PRKCA: variants seen among roughly 807,000 people sequenced by gnomAD.
The protein encoded by PRKCA is protein kinase C alpha.
PRKCA carries 27 observed loss-of-function variants against 87.0 expected under a neutral mutation model. That is an observed-to-expected ratio of 0.31 (90% CI 0.23 to 0.43). The LOEUF (loss-of-function observed/expected upper bound fraction) is 0.43. Ranked by LOEUF, PRKCA falls within the 20% of genes least tolerant of loss-of-function variation. PRKCA has a pLI of 1.00. For missense variants in PRKCA, 518 were observed against 852.3 expected (o/e 0.61, Z 4.88); for synonymous variants, 329 against 311.1 (o/e 1.06, Z -0.61).
intron 5 of PRKCA, among the ~76,000 whole-genome samples, chr17:66,667,411 C>A (rs573460049): frequency 6.6e-6 from 1 of 152,308 alleles, no homozygotes; most frequent in Non-Finnish European, 1.5e-5. Context: ...AGGAAACTTA[C>A]AATCATGGTG....
chr17:66,739,773 G>T (rs777826712), intron 11 of PRKCA, among the ~76,000 whole-genome samples: 6 of 152,064 alleles, frequency 3.9e-5, no homozygotes, highest in Non-Finnish European at 7.4e-5. Context: ...GCGGGGGAAG[G>T]GGGGAACGTG....
chr17:66,654,337 A>G (rs1971672004), intron 5 of PRKCA, among the ~76,000 whole-genome samples: 1 of 152,162 alleles, frequency 6.6e-6, no homozygotes. Flanking sequence ...CTGATTGAAC[A>G]CTTTTCGTGT....
At chr17:66,324,699 AT>A (rs1206462640) in intron 2 of PRKCA, among the ~76,000 whole-genome samples, 1 of 152,212 alleles carries the variant, frequency 6.6e-6, no homozygotes, top group Non-Finnish European at 1.5e-5. Context: ...TAGACTGGAA[AT>A]TAGGTAATCT....
At chr17:66,504,980 A>C (rs1005974358) in intron 3 of PRKCA, among the ~76,000 whole-genome samples, 1 of 152,074 alleles carries the variant, frequency 6.6e-6, no homozygotes, top group Non-Finnish European at 1.5e-5. Context: ...GCCCGAGTCC[A>C]TTTCTGAAAC....
At chr17:66,793,433 T>C (rs1487388463) in intron 16 of PRKCA, among the ~76,000 whole-genome samples, 1 of 151,538 alleles carries the variant, frequency 6.6e-6, no homozygotes, top group East Asian at 1.9e-4. Context: ...CTACTAAAAA[T>C]ACAAAAATTA....
At chr17:66,585,104 G>A (rs1026798324) in intron 3 of PRKCA, among the ~76,000 whole-genome samples, 10 of 151,908 alleles carry the variant, frequency 6.6e-5, no homozygotes, top group South Asian at 2.1e-4. Context: ...GTGGAGAGGC[G>A]GTGTCTGATT....
intron 5 of PRKCA, among the ~76,000 whole-genome samples, chr17:66,667,239 G>A (rs182206454): frequency 3.9e-5 from 6 of 152,280 alleles, no homozygotes; most frequent in Non-Finnish European, 7.3e-5. Flanking sequence ...ATGTCAAATC[G>A]AGTTAAACAG....
intron 2 of PRKCA, among the ~76,000 whole-genome samples, chr17:66,404,969 C>T (rs905876949): frequency 3.3e-5 from 5 of 151,894 alleles, no homozygotes; most frequent in African/African-American, 1.2e-4. Context: ...AGGCTGATCT[C>T]AAACTCCTGA....
chr17:66,513,442 A>G (rs1917332135), intron 3 of PRKCA, among the ~76,000 whole-genome samples: 1 of 152,236 alleles, frequency 6.6e-6, no homozygotes, highest in African/African-American at 2.4e-5. Context: ...TTTTAAAATA[A>G]AATGCATACA....
intron 2 of PRKCA, among the ~76,000 whole-genome samples, chr17:66,420,200 G>C (rs573500790): frequency 2.9e-4 from 44 of 151,836 alleles, no homozygotes; most frequent in Non-Finnish European, 5.7e-4. Flanking sequence ...TAGTAGAGAC[G>C]GAGTTTCACC....
intron 2 of PRKCA, among the ~76,000 whole-genome samples, chr17:66,352,558 G>GTTTTTTTTTTTTTTTTTT (rs56317931): frequency 1.2e-5 from 1 of 83,758 alleles, no homozygotes; most frequent in Non-Finnish European, 2.1e-5. Context: ...GTTTTTTGAG[G>GTTTTTTTTTTTTTTTTTT]TTTTTTTTTT....
At chr17:66,435,638 T>C (rs942503024) in intron 2 of PRKCA, among the ~76,000 whole-genome samples, 1 of 152,000 alleles carries the variant, frequency 6.6e-6, no homozygotes, top group African/African-American at 2.4e-5. Context: ...TTATATAAAA[T>C]TGGGAAGATA....
At chr17:66,627,899 G>A (rs945507523) in intron 3 of PRKCA, among the ~76,000 whole-genome samples, 22 of 152,294 alleles carry the variant, frequency 1.4e-4, no homozygotes, top group African/African-American at 4.8e-4. Context: ...GTGCATCTTT[G>A]AGGAGAGAAT....
chr17:66,720,176 G>A (rs1160320883), intron 8 of PRKCA, among the ~76,000 whole-genome samples: 2 of 152,234 alleles, frequency 1.3e-5, no homozygotes, highest in African/African-American at 2.4e-5. Flanking sequence ...ATGTCAGAAG[G>A]AGTAGGGAGC....
intron 2 of PRKCA, among the ~76,000 whole-genome samples, chr17:66,406,548 G>T (rs1468030661): frequency 8.0e-6 from 1 of 125,652 alleles, no homozygotes; most frequent in Admixed American, 9.7e-5. Flanking sequence ...AGAAAACGCT[G>T]CCCAGGCAGC....
chr17:66,304,675 A>G (rs1904709302), intron 1 of PRKCA, among the ~76,000 whole-genome samples: 1 of 152,208 alleles, frequency 6.6e-6, no homozygotes, highest in Non-Finnish European at 1.5e-5. Context: ...GGTGCGAATA[A>G]GGTGTTTAAT....
intron 8 of PRKCA, among the ~76,000 whole-genome samples, chr17:66,701,847 A>G (rs1427790363): frequency 6.6e-6 from 1 of 152,080 alleles, no homozygotes; most frequent in Non-Finnish European, 1.5e-5. Flanking sequence ...GGAGAAAATG[A>G]TATACACTGT....
Position 66,805,248 on chromosome 17 carries a change from T to C in PRKCA, c.*1211T>C. 1 of 702,558 alleles carries C rather than the reference T, an allele frequency of 1.4e-6. No homozygotes were observed. The highest frequency in any genetic ancestry group is 1.9e-5 in the African/African-American group (1 of 51,436). The allele number at this position is 702,558 out of a possible 1,614,324, so 43.5% of individuals were successfully genotyped here. A position where few individuals can be genotyped will look rare whatever the true frequency, so the allele number is the denominator to read the frequency against. ...AAAGATGTTTTGTTAATAGAAGGAT[T>C]TTAATACGTTTTGCAAATGCATCAT... On this transcript the variant is annotated 3_prime_UTR_variant, in exon 17 of 17. Transcript: ENST00000413366.
chr17:66,406,585 G>GTTTTTTTTTGTTTTTTTTT (rs1911401158), intron 2 of PRKCA, among the ~76,000 whole-genome samples: 1 of 70,178 alleles, frequency 1.4e-5, no homozygotes, highest in Non-Finnish European at 2.7e-5. Flanking sequence ...GCTTTTCCAG[G>GTTTTTTTTTGTTTTTTTTT]TTTTTTTTTT....
Sources: gnomAD v4.1 joint callset for allele counts (sites outside exome capture counted in the v4.1 genomes callset) on GRCh38, gnomAD v4.1.1 for gene constraint, MANE v1.5 for transcripts, NCBI Gene and HGNC (gene_info 2026-07-23, HGNC 2026-07-21) for gene names.